The following DNAJC24 variants were observed in gnomAD, a reference collection of about 807,000 sequenced individuals.
DNAJC24 encodes dnaJ homolog subfamily C member 24.
A neutral mutation model predicts 18.0 loss-of-function variants in DNAJC24; 17 were observed. The ratio of observed to expected loss-of-function variants is 0.94; its 90% CI spans 0.65 to 1.42. The LOEUF is 1.42. Among genes scored for constraint, DNAJC24 ranks in the 40% most tolerant of loss-of-function variants. The probability of loss-of-function intolerance (pLI) is 0.00; values close to 1 mark genes in which losing one functional copy is unlikely to be tolerated. For synonymous variants in DNAJC24, 55 were observed against 57.7 expected (o/e 0.95, Z 0.21); for missense variants, 158 against 175.6 (o/e 0.90, Z 0.57).
At chr11:31,414,228 C>A (rs1446449979) in intron 2 of DNAJC24, among the ~76,000 whole-genome samples, 1 of 152,142 alleles carries the variant, frequency 6.6e-6, no homozygotes, top group Non-Finnish European at 1.5e-5. Flanking sequence ...TCTTACAAAT[C>A]TGGCCTAGAA....
In DNAJC24 at chr11:31,431,900, T is replaced by G. The variant is rs1012311114; in HGVS notation, c.*1499T>G. 2 of 152,246 alleles carry G rather than the reference T, an allele frequency of 1.3e-5. No individual in the cohort carries two copies. Among genetic ancestry groups the G allele is most frequent in the African/African-American group, 4.8e-5 (2 of 41,464 alleles). The allele number at this position is 152,246 out of a possible 1,614,324, so 9.4% of individuals were successfully genotyped here. A position where few individuals can be genotyped will look rare whatever the true frequency, so the allele number is the denominator to read the frequency against. On this transcript the variant is annotated 3_prime_UTR_variant, in exon 5 of 5. Transcript: ENST00000465995. ...CAGGGCCATTGCACTGCTGCTATGC[T>G]GAAATGAACTTTTATAAAGTATTAT...
intron 2 of DNAJC24, among the ~76,000 whole-genome samples, chr11:31,400,258 C>T (rs1952587605): frequency 6.6e-6 from 1 of 152,096 alleles, no homozygotes; most frequent in Non-Finnish European, 1.5e-5. Context: ...ATTTATAATC[C>T]ATTGGGTATA....
At chr11:31,421,912 G>T (rs1457850113) in intron 3 of DNAJC24, 2 of 426,470 alleles carry the variant, frequency 4.7e-6, no homozygotes, top group Admixed American at 2.6e-5. Context: ...GTTATTTAAT[G>T]TTATTCTTCA....
chr11:31,382,056 T>C (rs1227178908), intron 2 of DNAJC24, among the ~76,000 whole-genome samples: 1 of 152,176 alleles, frequency 6.6e-6, no homozygotes, highest in East Asian at 1.9e-4. Flanking sequence ...CAGCATTTGT[T>C]AGGGTTAGTA....
chr11:31,426,686 C>CA (rs1952865610), intron 4 of DNAJC24: 1 of 179,814 alleles, frequency 5.6e-6, no homozygotes, highest in South Asian at 2.0e-4. Context: ...TAAATAATGT[C>CA]AAACAAGATA....
intron 3 of DNAJC24, 71 bp from the exon 4 acceptor site, chr11:31,426,216 T>C: frequency 9.6e-7 from 1 of 1,037,116 alleles, no homozygotes; most frequent in Non-Finnish European, 1.4e-6. Flanking sequence ...GCGTTGCCTT[T>C]TTAGCATTCT....
At chr11:31,425,172 T>TGG (rs1564958962) in intron 3 of DNAJC24, among the ~76,000 whole-genome samples, 2 of 152,118 alleles carry the variant, frequency 1.3e-5, no homozygotes, top group African/African-American at 4.8e-5. Flanking sequence ...GGACCTTCCA[T>TGG]CTGCAGCAAA....
chr11:31,403,739 C>G (rs1952625102), intron 2 of DNAJC24, among the ~76,000 whole-genome samples: 1 of 152,140 alleles, frequency 6.6e-6, no homozygotes. Context: ...AAAAACAACT[C>G]AGGGCCGTAT....
Position 31,432,418 on chromosome 11 carries a change from A to T in DNAJC24, c.*2017A>T. The stretch of plus-strand genomic sequence containing the variant: ...ACTAAAACTGAATAGCAAATAGTTT[A>T]TTGGTAAGTACACGGTTTCAACGGG... On this transcript the variant is annotated 3_prime_UTR_variant, in exon 5 of 5. Coordinates refer to ENST00000465995, the MANE Select transcript of DNAJC24 (RefSeq NM_181706.5). 1.1e-6 allele frequency: 1 copy of T among 913,096 alleles called. No homozygotes were observed. The highest frequency in any genetic ancestry group is 1.8e-6 in the Non-Finnish European group (1 of 565,290). 56.6% of individuals were successfully genotyped at this position (913,096 alleles called of 1,614,324 possible).
In DNAJC24 at chr11:31,370,754, G is replaced by A; in HGVS notation, c.6G>A (p.Met2Ile). Residue 2 changes from methionine (M) to isoleucine (I), a missense_variant, in exon 2 of 5, where the codon ATG becomes ATA. Transcript: ENST00000465995. The part of the protein sequence containing the change: M[M>I]AVEQMPKKDW... ...GCCCACTTCTGGTTCCATGGATGAT[G>A]GCGGTTGAGCAGATGCCAAAAAAGG... 6.2e-7 allele frequency: 1 copy of A among 1,605,012 alleles called. No individual in the cohort carries two copies.
At chr11:31,374,335 T>C (rs1406932249) in intron 2 of DNAJC24, 1 of 157,562 alleles carries the variant, frequency 6.3e-6, no homozygotes, top group Non-Finnish European at 1.4e-5. Flanking sequence ...CTTTTTTTTT[T>C]TGCATTTATT....
chr11:31,388,149 T>G (rs1952449034), intron 2 of DNAJC24, among the ~76,000 whole-genome samples: 1 of 150,974 alleles, frequency 6.6e-6, no homozygotes, highest in African/African-American at 2.4e-5. Context: ...AATCTAAGAG[T>G]TATTAAACTT....
At position 31,405,172 on chromosome 11, in the gene DNAJC24, C is replaced by A. The variant is rs560212941; in HGVS notation, c.112-9639C>A. Among the ~76,000 whole-genome samples, 9 of 150,630 alleles carry A rather than the reference C, an allele frequency of 6.0e-5. No homozygotes were observed. In the South Asian group the frequency reaches 6.3e-4, roughly 11 times the overall value. ...GCAACCTCCGCTTCCCAGATTCCAG[C>A]GATTCTCCTGCCTCAGCCTCCCGAG... On this transcript the variant is annotated intron_variant, in intron 2 of 4. Coordinates refer to ENST00000465995, the MANE Select transcript of DNAJC24 (RefSeq NM_181706.5).
intron 2 of DNAJC24, among the ~76,000 whole-genome samples, chr11:31,406,134 TC>T (rs1329828633): frequency 6.6e-6 from 1 of 152,182 alleles, no homozygotes; most frequent in African/African-American, 2.4e-5. Context: ...TTGAATGCAT[TC>T]CTCTTAGTGT....
chr11:31,425,439 G>C (rs898515966), intron 3 of DNAJC24, among the ~76,000 whole-genome samples: 1 of 152,108 alleles, frequency 6.6e-6, no homozygotes, highest in Non-Finnish European at 1.5e-5. Flanking sequence ...AGACTAGGTG[G>C]CATAAACAAA....
chr11:31,425,808 T>G (rs909952873), intron 3 of DNAJC24, among the ~76,000 whole-genome samples: 10 of 152,338 alleles, frequency 6.6e-5, no homozygotes, highest in Admixed American at 4.6e-4. Flanking sequence ...TAAGAAGAGA[T>G]AACTGCTGTT....
intron 2 of DNAJC24, among the ~76,000 whole-genome samples, chr11:31,382,343 G>T (rs1952384962): frequency 6.6e-6 from 1 of 152,060 alleles, no homozygotes; most frequent in Non-Finnish European, 1.5e-5. Flanking sequence ...TACCTCAAGG[G>T]TTTCATAAAG....
intron 3 of DNAJC24, among the ~76,000 whole-genome samples, chr11:31,425,352 C>T (rs1488509683): frequency 6.6e-6 from 1 of 152,106 alleles, no homozygotes; most frequent in Non-Finnish European, 1.5e-5. Context: ...TTTTTTAAAG[C>T]ACTTTTAGTC....
At chr11:31,422,290 T>C (rs992150357) in intron 3 of DNAJC24, among the ~76,000 whole-genome samples, 1 of 152,196 alleles carries the variant, frequency 6.6e-6, no homozygotes, top group African/African-American at 2.4e-5. Context: ...GACCTTAATG[T>C]TCCTAGATAC....
Sources: allele counts gnomAD v4.1 joint callset (sites outside exome capture counted in the v4.1 genomes callset), GRCh38; gene constraint gnomAD v4.1.1; transcripts MANE v1.5; gene names NCBI Gene and HGNC (gene_info 2026-07-23, HGNC 2026-07-21).